Variants in VEGFC observed in about 807,000 individuals in gnomAD.
VEGFC encodes the protein FLT4 ligand DHM.
Under a neutral mutation model 46.1 loss-of-function variants are expected in VEGFC, and 12 were observed. The ratio of observed to expected loss-of-function variants is 0.26; its 90% CI spans 0.17 to 0.42. The LOEUF (loss-of-function observed/expected upper bound fraction) is 0.42, where lower values mean the gene tolerates loss of function less well. Among genes scored for constraint, VEGFC ranks in the 10% least tolerant of loss-of-function variants. The pLI is 1.00. For synonymous variants in VEGFC, 232 were observed against 195.5 expected, an observed-to-expected ratio of 1.19 and a Z score of -1.56; for missense variants, 488 against 529.4, an observed-to-expected ratio of 0.92 and a Z score of 0.77.
chr4:176,739,687 C>T (rs1327271323), intron 1 of VEGFC, among the ~76,000 whole-genome samples: 9 of 151,556 alleles, frequency 5.9e-5, no homozygotes, highest in Non-Finnish European at 2.9e-5. Flanking sequence ...TGCAGCAAAC[C>T]ACCATGGCAC....
chr4:176,716,081 G>T (rs1387282692), intron 3 of VEGFC, among the ~76,000 whole-genome samples: 1 of 151,930 alleles, frequency 6.6e-6, no homozygotes, highest in Non-Finnish European at 1.5e-5. Context: ...TCTTTCTCTT[G>T]TTCTTTATCA....
At chr4:176,703,806 A>C (rs1734477149) in intron 4 of VEGFC, among the ~76,000 whole-genome samples, 1 of 152,126 alleles carries the variant, frequency 6.6e-6, no homozygotes, top group South Asian at 2.1e-4. Flanking sequence ...CCTCAAAAGA[A>C]ATGGATTATA....
intron 3 of VEGFC, among the ~76,000 whole-genome samples, chr4:176,721,002 A>G (rs1734777354): frequency 6.6e-6 from 1 of 152,142 alleles, no homozygotes; most frequent in Non-Finnish European, 1.5e-5. Flanking sequence ...GGATGAGTAG[A>G]CATTAACTAG....
intron 1 of VEGFC, among the ~76,000 whole-genome samples, chr4:176,763,807 G>A (rs1367289401): frequency 6.6e-6 from 1 of 151,922 alleles, no homozygotes; most frequent in Non-Finnish European, 1.5e-5. Flanking sequence ...AGTACTTTAG[G>A]TGAATATTTT....
chr4:176,716,217 A>G (rs762423621), intron 3 of VEGFC, among the ~76,000 whole-genome samples: 1 of 152,088 alleles, frequency 6.6e-6, no homozygotes, highest in Non-Finnish European at 1.5e-5. Context: ...CATGATACCA[A>G]GCACCTTGCT....
chr4:176,743,332 G>A (rs892240267), intron 1 of VEGFC, among the ~76,000 whole-genome samples: 3 of 151,946 alleles, frequency 2.0e-5, no homozygotes. Flanking sequence ...AATAAAGTGT[G>A]TATGGAGGTA....
chr4:176,768,513 T>TATATATATATATATATATATATATATA (rs58971102), intron 1 of VEGFC, among the ~76,000 whole-genome samples: 12 of 143,788 alleles, frequency 8.3e-5, no homozygotes, highest in South Asian at 2.2e-4. Flanking sequence ...TATATATATA[T>TATATATATATATATATATATATATATA]TTCAAATTTT....
chr4:176,697,683 C>T (rs1014129735), intron 4 of VEGFC, among the ~76,000 whole-genome samples: 4 of 151,708 alleles, frequency 2.6e-5, no homozygotes, highest in African/African-American at 4.9e-5. Flanking sequence ...GACACATGCA[C>T]ACGTATGTTT....
intron 1 of VEGFC, among the ~76,000 whole-genome samples, chr4:176,777,080 G>A (rs1293610643): frequency 2.6e-5 from 4 of 152,110 alleles, no homozygotes; most frequent in African/African-American, 9.7e-5. Flanking sequence ...TTGGGAGGCC[G>A]AGGTGGGTGG....
chr4:176,694,314 G>A (rs1219394403), intron 4 of VEGFC, among the ~76,000 whole-genome samples: 4 of 152,014 alleles, frequency 2.6e-5, no homozygotes, highest in African/African-American at 9.7e-5. Flanking sequence ...AACAAAAAAA[G>A]GCAGGGGTTG....
intron 4 of VEGFC, among the ~76,000 whole-genome samples, chr4:176,691,857 C>T (rs1032073199): frequency 3.9e-5 from 6 of 152,262 alleles, no homozygotes; most frequent in Admixed American, 6.5e-5. Context: ...ACGCAGAAGA[C>T]GGGTGATTTC....
At chr4:176,709,360 G>T (rs1043130200) in intron 4 of VEGFC, among the ~76,000 whole-genome samples, 3 of 152,172 alleles carry the variant, frequency 2.0e-5, no homozygotes, top group Non-Finnish European at 2.9e-5. Context: ...GCTGAATGTT[G>T]CAGACAATAT....
intron 1 of VEGFC, among the ~76,000 whole-genome samples, chr4:176,762,290 GC>G (rs1359269438): frequency 6.6e-6 from 1 of 152,202 alleles, no homozygotes; most frequent in Admixed American, 6.5e-5. Context: ...AGGTCATGAA[GC>G]CTTTGCCCAG....
intron 3 of VEGFC, among the ~76,000 whole-genome samples, chr4:176,725,189 T>C (rs567694607): frequency 6.6e-6 from 1 of 152,322 alleles, no homozygotes; most frequent in African/African-American, 2.4e-5. Flanking sequence ...CCCCAAAATA[T>C]GTACAGCTAT....
At chr4:176,768,494 A>ATATATATATATATG (rs1735668268) in intron 1 of VEGFC, among the ~76,000 whole-genome samples, 1 of 139,180 alleles carries the variant, frequency 7.2e-6, no homozygotes, top group African/African-American at 2.6e-5. Context: ...TTTTATACAT[A>ATATATATATATATG]TATATATATA....
intron 3 of VEGFC, among the ~76,000 whole-genome samples, chr4:176,716,584 G>GAAAAAAAAAAAAAAAA (rs57274087): frequency 7.0e-3 from 302 of 43,330 alleles, no homozygotes; most frequent in Non-Finnish European, 9.3e-3. Flanking sequence ...CTCCCTCTCC[G>GAAAAAAAAAAAAAAAA]AAAAAAAAAA....
chr4:176,765,549 A>ATTTTT (rs1560959779), intron 1 of VEGFC, among the ~76,000 whole-genome samples: 2 of 148,270 alleles, frequency 1.3e-5, no homozygotes, highest in Non-Finnish European at 3.0e-5. Flanking sequence ...CCAAAGACAG[A>ATTTTT]ATTTTTTTTT....
At chr4:176,705,074 ATTGT>A (rs1330560782) in intron 4 of VEGFC, among the ~76,000 whole-genome samples, 7 of 152,184 alleles carry the variant, frequency 4.6e-5, no homozygotes, top group East Asian at 1.9e-4. Context: ...TACTAGAAAT[ATTGT>A]TTGTTTGTAC....
At chr4:176,712,042 T>C (rs1051557957) in intron 3 of VEGFC, among the ~76,000 whole-genome samples, 4 of 152,144 alleles carry the variant, frequency 2.6e-5, no homozygotes, top group Non-Finnish European at 5.9e-5. Context: ...AGAAACATCT[T>C]TGTGATTTAG....
Sources: allele counts gnomAD v4.1 joint callset (sites outside exome capture counted in the v4.1 genomes callset), GRCh38; gene constraint gnomAD v4.1.1; transcripts MANE v1.5; gene names NCBI Gene and HGNC (gene_info 2026-07-23, HGNC 2026-07-21).